Variants in SRRM1 observed in about 807,000 individuals in gnomAD.
SRRM1 encodes the protein serine/arginine repetitive matrix protein 1.
SRRM1 carries 19 observed loss-of-function variants against 110.2 expected under a neutral mutation model. That is an observed-to-expected ratio of 0.17 (90% CI 0.12 to 0.25). SRRM1 has a LOEUF of 0.25. SRRM1 is among the 10% of genes least tolerant of loss of function. SRRM1 has a pLI of 1.00. For missense variants in SRRM1, 918 were observed against 1,145.8 expected, an observed-to-expected ratio of 0.80 and a Z score of 2.87; for synonymous variants, 443 against 414.9, an observed-to-expected ratio of 1.07 and a Z score of -0.82.
At position 24,652,065 on chromosome 1, in the gene SRRM1, T is replaced by TAC. The variant is rs528640805; in HGVS notation, c.726-355_726-354dup. Among the ~76,000 whole-genome samples, 1,063 of 134,276 alleles carry TAC rather than the reference T, an allele frequency of 7.9e-3. 8 individuals carry two copies. Among genetic ancestry groups the TAC allele is most frequent in the Non-Finnish European group, 0.011 (659 of 62,692 alleles). 88.1% of individuals were successfully genotyped at this position (134,276 alleles called of 152,430 possible). A position where few individuals can be genotyped will look rare whatever the true frequency, so the allele number is the denominator to read the frequency against. On this transcript the variant is annotated intron_variant, in intron 6 of 16. Transcript: ENST00000323848. ...ATATATATATATATATATATATATG[T>TAC]ACACACACACACACAAATTAGCCGG...
At chr1:24,663,157 C>T (rs765003578) in intron 12 of SRRM1, 403 of 1,500,934 alleles carry the variant, frequency 2.7e-4, no homozygotes, top group Non-Finnish European at 3.4e-4. Flanking sequence ...GAATTCTTGA[C>T]ATTTGTTTTT....
chr1:24,663,571 G>A (rs1467331995), intron 12 of SRRM1, among the ~76,000 whole-genome samples: 1 of 152,030 alleles, frequency 6.6e-6, no homozygotes, highest in Non-Finnish European at 1.5e-5. Context: ...CTTAGATTTG[G>A]GGGGAGGGAC....
rs929608202 is a variant in SRRM1 at position 24,643,493 on chromosome 1, C to G, written c.21+146C>G. On this transcript the variant is annotated intron_variant, in intron 1 of 16. Transcript: ENST00000323848. ...CCTAGAGCCGGCGCACCCCCCCCCC[C>G]CCCGTGCGCTGCGGCGGAGACCGGT... is the stretch of plus-strand genomic sequence containing the variant. The G allele has an allele frequency of 8.8e-5, 51 of 579,064 alleles. 1 individual carries two copies. The highest frequency in any genetic ancestry group is 1.0e-4 in the Non-Finnish European group (39 of 389,808). 35.9% of individuals were successfully genotyped at this position (579,064 alleles called of 1,614,324 possible).
chr1:24,663,058 TATAGC>T, intron 12 of SRRM1: 1 of 1,002,524 alleles, frequency 1.0e-6, no homozygotes. Context: ...ACCAAACTAT[TATAGC>T]AGTAACTCCT....
chr1:24,659,885 T>C (rs934450942), intron 9 of SRRM1, among the ~76,000 whole-genome samples: 2 of 152,238 alleles, frequency 1.3e-5, no homozygotes, highest in African/African-American at 4.8e-5. Context: ...AATGCCTTTT[T>C]TTCTTTCTAG....
chr1:24,655,192 A>T (rs1663314419), intron 9 of SRRM1, 63 bp downstream of exon 9: 1 of 1,549,236 alleles, frequency 6.5e-7, no homozygotes, highest in Non-Finnish European at 8.9e-7. Flanking sequence ...GTAGTCAGTT[A>T]TTGCCCCCTG....
intron 13 of SRRM1, among the ~76,000 whole-genome samples, chr1:24,667,788 C>T (rs1192060400): frequency 6.6e-6 from 1 of 152,022 alleles, no homozygotes; most frequent in Non-Finnish European, 1.5e-5. Context: ...CACTGAGGTT[C>T]ATTTTACAGT....
At chr1:24,664,916 G>A (rs980491935) in intron 12 of SRRM1, among the ~76,000 whole-genome samples, 3 of 124,836 alleles carry the variant, frequency 2.4e-5, no homozygotes, top group Non-Finnish European at 4.7e-5. Flanking sequence ...ACTACTTTCT[G>A]TTCTGGAAAG....
Position 24,671,573 on chromosome 1 carries a change from T to G in SRRM1, c.2588T>G (p.Val863Gly). 1 of 1,595,620 alleles carries G rather than the reference T, an allele frequency of 6.3e-7. No homozygotes were observed. Among genetic ancestry groups the G allele is most frequent in the African/African-American group, 1.4e-5 (1 of 73,648 alleles). The change falls in exon 16 of 17, where the codon GTG (valine) becomes GGG (glycine). Residue 863 changes from valine (V) to glycine (G), a missense_variant. By Grantham distance (109) the Val-to-Gly change is moderately radical. Transcript: ENST00000323848. ...ATTTLAQEEP[V>G]AAPEPKKETE... ...ACCACATTAGCACAGGAAGAGCCAG[T>G]GGCAGCGCCAGAGCCGAAGAAGGTA...
intron 9 of SRRM1, among the ~76,000 whole-genome samples, chr1:24,658,554 G>GT (rs1665496029): frequency 6.6e-6 from 1 of 152,090 alleles, no homozygotes; most frequent in Non-Finnish European, 1.5e-5. Flanking sequence ...CATTTTTAAT[G>GT]TTTCTTAGGG....
Position 24,652,897 on chromosome 1 carries a change from C to A in SRRM1, c.921-16C>A. 2 of 1,611,422 alleles carry A rather than the reference C, an allele frequency of 1.2e-6. No homozygotes were observed. Among genetic ancestry groups the A allele is most frequent in the Non-Finnish European group, 1.7e-6 (2 of 1,178,966 alleles). The stretch of plus-strand genomic sequence containing the variant: ...CTCCTGGTTTATTCAGGACCTAATT[C>A]TCTTTGTTATGGCAGATCGTATTCA... On this transcript the variant is annotated splice_polypyrimidine_tract_variant and intron_variant, in intron 7 of 16. Transcript: ENST00000323848.
chr1:24,660,875 A>G (rs934256747), intron 10 of SRRM1, 76 bp downstream of exon 10: 39 of 1,058,034 alleles, frequency 3.7e-5, no homozygotes, highest in Non-Finnish European at 5.1e-5. Context: ...GATTTTTTGC[A>G]CATTTGGTCA....
chr1:24,668,119 C>T lies in SRRM1; in HGVS notation c.1740-1004C>T, dbSNP rs1670970011. ...CCCGAGTAGCTGGGATTACAGGCAT[C>T]TGCCACCACACCCAGCCAGTTTTTG... On this transcript the variant is annotated intron_variant, in intron 13 of 16. Transcript: ENST00000323848. Among the ~76,000 whole-genome samples, 4 of 151,544 alleles carry T rather than the reference C, an allele frequency of 2.6e-5. No homozygotes were observed. In the South Asian group the frequency reaches 8.3e-4, roughly 32 times the overall value.
chr1:24,668,146 AT>A (rs1557740197), intron 13 of SRRM1, among the ~76,000 whole-genome samples: 1 of 151,090 alleles, frequency 6.6e-6, no homozygotes, highest in African/African-American at 2.4e-5. Flanking sequence ...CAGTTTTTGT[AT>A]TTTTTGTAGA....
At chr1:24,643,491 C>CT (rs1553162711) in intron 1 of SRRM1, 144 bp downstream of exon 1, 7 of 577,772 alleles carry the variant, frequency 1.2e-5, no homozygotes, top group Non-Finnish European at 1.8e-5. Context: ...CACCCCCCCC[C>CT]CCCCCGTGCG....
chr1:24,660,728 A>C lies in SRRM1; in HGVS notation c.1325A>C (p.His442Pro). Reference protein sequence around the residue: ...PGRTSGKVTKHKGTEKRESPS... With the variant: ...PGRTSGKVTKPKGTEKRESPS... Reference sequence around the variant, plus strand: ...TCTTATTCTTTTTTAGTGACAAAACATAAAGGTACTGAGAAAAGAGAATCC... The same window carrying C: ...TCTTATTCTTTTTTAGTGACAAAACCTAAAGGTACTGAGAAAAGAGAATCC... Residue 442 changes from histidine (H) to proline (P), a missense_variant, in exon 10 of 17, where the codon CAT (histidine) becomes CCT (proline). Transcript: ENST00000323848. 3.2e-6 allele frequency: 5 copies of C among 1,570,694 alleles called. No individual in the cohort carries two copies. Among genetic ancestry groups the C allele is most frequent in the Non-Finnish European group, 4.3e-6 (5 of 1,160,914 alleles).
intron 9 of SRRM1, among the ~76,000 whole-genome samples, 164 bp from the exon 10 acceptor site, chr1:24,660,555 C>G (rs894385904): frequency 9.2e-5 from 14 of 152,084 alleles, no homozygotes; most frequent in South Asian, 4.1e-4. Context: ...GAGGCTCAGG[C>G]AGGAGGATTG....
chr1:24,671,773 T>G (rs895364789), intron 16 of SRRM1, among the ~76,000 whole-genome samples, 178 bp downstream of exon 16: 2 of 152,084 alleles, frequency 1.3e-5, no homozygotes, highest in African/African-American at 4.8e-5. Flanking sequence ...TTTTAGTATA[T>G]CAGTTGTGCA....
rs1161922959 is a variant in SRRM1, at chr1:24,651,431, C to T, written c.544C>T (p.Pro182Ser). The T allele has an allele frequency of 1.2e-6, 2 of 1,614,034 alleles. No homozygotes were observed. The highest frequency in any genetic ancestry group is 1.7e-6 in the Non-Finnish European group (2 of 1,179,968). Residue 182 changes from proline (P) to serine (S), a missense_variant, in exon 6 of 17, where the codon CCT becomes TCT. Physicochemically the swap from Pro to Ser is moderately conservative, Grantham distance 74. Transcript: ENST00000323848. ...PRRRKSRSPS[P>S]RRRSSPVRRE... is the part of the protein sequence containing the mutation. ...TAGACGCAAATCCAGATCTCCTTCC[C>T]CTAGAAGACGATCTTCCCCTGTCAG... is the stretch of plus-strand genomic sequence containing the variant.
Sources: gnomAD v4.1 joint callset for allele counts (sites outside exome capture counted in the v4.1 genomes callset) on GRCh38, gnomAD v4.1.1 for gene constraint, MANE v1.5 for transcripts, NCBI Gene and HGNC (gene_info 2026-07-23, HGNC 2026-07-21) for gene names.